The following PHACTR4 variants were observed in gnomAD, a reference collection of about 807,000 sequenced individuals.
The protein encoded by PHACTR4 is protein phosphatase 1, regulatory subunit 124.
PHACTR4 carries 51 observed loss-of-function variants against 72.7 expected under a neutral mutation model. The observed-to-expected ratio is 0.70, with a 90% CI of 0.56 to 0.89. PHACTR4 has a LOEUF of 0.89. PHACTR4 is among the 40% of genes least tolerant of loss of function. The probability of loss-of-function intolerance (pLI) is 0.00; values close to 1 mark genes in which losing one functional copy is unlikely to be tolerated. For synonymous variants in PHACTR4, 255 were observed against 302.5 expected, an observed-to-expected ratio of 0.84 and a Z score of 1.63; for missense variants, 731 against 861.8, an observed-to-expected ratio of 0.85 and a Z score of 1.90.
At chr1:28,462,899 T>C (rs1658914475) in intron 4 of PHACTR4, among the ~76,000 whole-genome samples, 1 of 152,164 alleles carries the variant, frequency 6.6e-6, no homozygotes, top group Non-Finnish European at 1.5e-5. Context: ...CTCTGCATAC[T>C]TAAAGGGAAC....
intron 4 of PHACTR4, among the ~76,000 whole-genome samples, chr1:28,461,642 A>G (rs1338860401): frequency 6.6e-6 from 1 of 152,124 alleles, no homozygotes; most frequent in African/African-American, 2.4e-5. Flanking sequence ...AATTTGAAAT[A>G]TTATTACAAT....
chr1:28,400,782 G>T (rs1282580508), intron 1 of PHACTR4, among the ~76,000 whole-genome samples: 1 of 152,078 alleles, frequency 6.6e-6, no homozygotes, highest in South Asian at 2.1e-4. Context: ...GTTTCCCTAT[G>T]TTGGCCAGGC....
rs78210759 is a variant in PHACTR4, at chr1:28,397,374, A to G, written c.-38-10036A>G. ...ACCAAAATCATTAACCAGTTTGTAT[A>G]TGATTGATATTTGAAACTAACTTGT... On this transcript the variant is annotated intron_variant, in intron 1 of 13. Coordinates refer to ENST00000373839, the MANE Select transcript of PHACTR4 (RefSeq NM_001048183.3). Among the ~76,000 whole-genome samples the G allele has an allele frequency of 2.3e-3, 351 of 152,332 alleles. 2 individuals are homozygous for G. Among genetic ancestry groups the G allele is most frequent in the African/African-American group, 8.1e-3 (338 of 41,574 alleles).
intron 1 of PHACTR4, among the ~76,000 whole-genome samples, chr1:28,403,564 AC>A (rs1449961896): frequency 2.6e-5 from 4 of 152,278 alleles, no homozygotes; most frequent in Non-Finnish European, 5.9e-5. Context: ...AAACAAAAAA[AC>A]AGTATTTTTG....
intron 2 of PHACTR4, among the ~76,000 whole-genome samples, chr1:28,442,142 G>T (rs1021123059): frequency 1.3e-5 from 2 of 152,078 alleles, no homozygotes; most frequent in South Asian, 2.1e-4. Flanking sequence ...CAAGACCGAA[G>T]AATTTTTTCA....
At chr1:28,374,944 A>G (rs66699565) in intron 1 of PHACTR4, among the ~76,000 whole-genome samples, 40,850 of 152,126 alleles carry the variant, frequency 0.27, 5,615 homozygotes, top group Middle Eastern at 0.34. Flanking sequence ...AAGAGGGAGT[A>G]GAATAAGTAT....
At chr1:28,432,214 A>G (rs1409179666) in intron 2 of PHACTR4, among the ~76,000 whole-genome samples, 1 of 152,072 alleles carries the variant, frequency 6.6e-6, no homozygotes, top group East Asian at 1.9e-4. Flanking sequence ...GTATCAAAAA[A>G]AAAAGAATAT....
intron 2 of PHACTR4, among the ~76,000 whole-genome samples, chr1:28,410,405 G>A (rs6697668): frequency 0.61 from 92,685 of 151,894 alleles, 29,834 homozygotes; most frequent in African/African-American, 0.78. Flanking sequence ...TGACAACTCC[G>A]TAGGTTTGTA....
At chr1:28,390,435 T>G (rs1226805308) in intron 1 of PHACTR4, among the ~76,000 whole-genome samples, 2 of 152,206 alleles carry the variant, frequency 1.3e-5, no homozygotes, top group African/African-American at 4.8e-5. Flanking sequence ...GAGCATTAAA[T>G]ATCTGTTGGG....
chr1:28,405,558 C>T (rs1345012849), intron 1 of PHACTR4, among the ~76,000 whole-genome samples: 2 of 151,794 alleles, frequency 1.3e-5, no homozygotes, highest in Non-Finnish European at 2.9e-5. Flanking sequence ...AACTCCTGAC[C>T]TCAGGTGATC....
chr1:28,417,983 A>G (rs1358461409), intron 2 of PHACTR4, among the ~76,000 whole-genome samples: 2 of 151,452 alleles, frequency 1.3e-5, no homozygotes, highest in Non-Finnish European at 2.9e-5. Context: ...AGAATCTTTT[A>G]AAAAGTTAGC....
chr1:28,382,198 T>G (rs1204781449), intron 1 of PHACTR4, among the ~76,000 whole-genome samples: 2 of 152,268 alleles, frequency 1.3e-5, no homozygotes, highest in African/African-American at 4.8e-5. Context: ...CTGTAGGTTG[T>G]TTGTTCACCC....
intron 2 of PHACTR4, among the ~76,000 whole-genome samples, chr1:28,408,283 G>A (rs1654506649): frequency 1.5e-5 from 2 of 134,560 alleles, no homozygotes; most frequent in African/African-American, 5.0e-5. Flanking sequence ...AAAGTGACTG[G>A]GCGCAGTGGC....
At chr1:28,405,182 T>A (rs1192314547) in intron 1 of PHACTR4, among the ~76,000 whole-genome samples, 1 of 152,174 alleles carries the variant, frequency 6.6e-6, no homozygotes, top group Non-Finnish European at 1.5e-5. Context: ...AATTGGGTTG[T>A]CTTTTTGTTA....
intron 1 of PHACTR4, among the ~76,000 whole-genome samples, chr1:28,390,734 A>G (rs1023980808): frequency 5.3e-5 from 8 of 152,106 alleles, no homozygotes; most frequent in Non-Finnish European, 1.2e-4. Context: ...TGGAGGTTGC[A>G]GTGAGCCGAG....
chr1:28,456,662 A>C (rs1658406675), intron 2 of PHACTR4, among the ~76,000 whole-genome samples: 1 of 150,742 alleles, frequency 6.6e-6, no homozygotes, highest in South Asian at 2.1e-4. Context: ...GGGTTTCTTC[A>C]TGTTCCCCAG....
chr1:28,477,937 C>T (rs1214885042), intron 8 of PHACTR4, among the ~76,000 whole-genome samples: 1 of 152,146 alleles, frequency 6.6e-6, no homozygotes, highest in Non-Finnish European at 1.5e-5. Flanking sequence ...GATCTGCCCA[C>T]CTCAGCTCCC....
At chr1:28,446,651 T>A (rs747894066) in intron 2 of PHACTR4, among the ~76,000 whole-genome samples, 297 of 152,138 alleles carry the variant, frequency 2.0e-3, no homozygotes, top group Non-Finnish European at 3.3e-3. Context: ...TGGTGGCGTG[T>A]GCCTGTAGTC....
At chr1:28,383,598 G>A (rs1569763815) in intron 1 of PHACTR4, among the ~76,000 whole-genome samples, 1 of 152,182 alleles carries the variant, frequency 6.6e-6, no homozygotes, top group East Asian at 1.9e-4. Context: ...AGGTATTTGT[G>A]TGTGTGTGTG....
Sources: allele counts gnomAD v4.1 joint callset (sites outside exome capture counted in the v4.1 genomes callset), GRCh38; gene constraint gnomAD v4.1.1; transcripts MANE v1.5; gene names NCBI Gene and HGNC (gene_info 2026-07-23, HGNC 2026-07-21).